KIF21A: variants seen among roughly 807,000 people sequenced by gnomAD.
The protein encoded by KIF21A is kinesin family member 21A, also known as kinesin-like protein KIF21A.
Under a neutral mutation model 202.9 loss-of-function variants are expected in KIF21A, and 114 were observed. That is an observed-to-expected ratio of 0.56 (90% CI 0.48 to 0.66). The LOEUF is 0.66. Ranked by LOEUF, KIF21A falls within the 30% of genes least tolerant of loss-of-function variation. The probability of loss-of-function intolerance (pLI) is 0.00; values close to 1 mark genes in which losing one functional copy is unlikely to be tolerated. For missense variants in KIF21A, 1,677 were observed against 1,994.9 expected (o/e 0.84, Z 3.04); for synonymous variants, 667 against 670.8 (o/e 0.99, Z 0.09).
At chr12:39,294,667 C>A in intron 37 of KIF21A, 150 bp from the exon 38 acceptor site, 1 of 652,620 alleles carries the variant, frequency 1.5e-6, no homozygotes, top group East Asian at 2.8e-5. Flanking sequence ...ATATAGCAAA[C>A]ACATACCTTA....
At chr12:39,441,676 A>AAAAAAAAAAAAAAAAAAAAAAAAC (rs1041857523) in intron 1 of KIF21A, among the ~76,000 whole-genome samples, 5 of 137,380 alleles carry the variant, frequency 3.6e-5, no homozygotes, top group African/African-American at 1.4e-4. Flanking sequence ...AAAAAAAAAA[A>AAAAAAAAAAAAAAAAAAAAAAAAC]AAAACACTTA....
chr12:39,378,383 G>A (rs73086879), intron 1 of KIF21A, among the ~76,000 whole-genome samples: 1,577 of 151,634 alleles, frequency 0.01, 37 homozygotes, highest in African/African-American at 0.034. Flanking sequence ...ACAAAATAAA[G>A]AAAAAAAATA....
intron 9 of KIF21A, 78 bp downstream of exon 9, chr12:39,357,170 T>G (rs960448698): frequency 2.5e-6 from 3 of 1,218,696 alleles, no homozygotes; most frequent in Admixed American, 3.4e-5. Flanking sequence ...TCAACTATGC[T>G]AGGTAATTAG....
chr12:39,433,144 GA>G (rs1373382208), intron 1 of KIF21A, among the ~76,000 whole-genome samples: 2 of 151,814 alleles, frequency 1.3e-5, no homozygotes, highest in Non-Finnish European at 2.9e-5. Flanking sequence ...TCAATAATAG[GA>G]AAAAACTGAA....
At chr12:39,377,078 A>G (rs1036924615) in intron 1 of KIF21A, among the ~76,000 whole-genome samples, 1 of 152,030 alleles carries the variant, frequency 6.6e-6, no homozygotes, top group Non-Finnish European at 1.5e-5. Flanking sequence ...CATCCCCACA[A>G]GATTGTGGTA....
At chr12:39,423,936 A>T (rs1302306321) in intron 1 of KIF21A, among the ~76,000 whole-genome samples, 3 of 130,278 alleles carry the variant, frequency 2.3e-5, no homozygotes, top group South Asian at 5.6e-4. Flanking sequence ...GTGAGCCGAG[A>T]TTGCGCCACT....
intron 31 of KIF21A, 133 bp downstream of exon 31, chr12:39,315,096 A>G: frequency 2.4e-6 from 2 of 828,340 alleles, no homozygotes; most frequent in South Asian, 1.5e-5. Flanking sequence ...TTAAGGTTAA[A>G]TATGGCAAAT....
intron 1 of KIF21A, among the ~76,000 whole-genome samples, chr12:39,383,199 T>C (rs1950727122): frequency 6.6e-6 from 1 of 152,208 alleles, no homozygotes; most frequent in South Asian, 2.1e-4. Context: ...GAATTGAAGG[T>C]CAAAGGAAAT....
intron 26 of KIF21A, among the ~76,000 whole-genome samples, chr12:39,324,457 T>C (rs546374379): frequency 6.6e-6 from 1 of 152,348 alleles, no homozygotes; most frequent in African/African-American, 2.4e-5. Context: ...TAGCAGAATG[T>C]TTTATTTGAG....
chr12:39,391,834 G>A (rs921086344), intron 1 of KIF21A, among the ~76,000 whole-genome samples: 5 of 151,942 alleles, frequency 3.3e-5, no homozygotes, highest in African/African-American at 1.2e-4. Context: ...CTGCCTCCCG[G>A]GTTCAAGCAA....
intron 1 of KIF21A, among the ~76,000 whole-genome samples, chr12:39,382,867 C>T (rs1235465759): frequency 6.6e-6 from 1 of 152,200 alleles, no homozygotes; most frequent in Non-Finnish European, 1.5e-5. Context: ...CATACATTTG[C>T]TTCAACCTTT....
At position 39,330,750 on chromosome 12, in the gene KIF21A, T is replaced by C. The variant is rs1946438418; in HGVS notation, c.3315A>G (p.Leu1105=). Residue 1105 remains leucine (L), a synonymous_variant, in exon 23 of 38, where the codon TTA becomes TTG. Coordinates refer to ENST00000361418, the MANE Select transcript of KIF21A (RefSeq NM_001173464.2). ...CTAAAATTGAGAGCAAATTACCTTG[T>C]AAAGCATGGCCTAGTAAAGCATCTA... The part of the protein sequence containing the change: ...PELDALLGHA[L]QDLDSVPLEN... 1.2e-6 allele frequency: 2 copies of C among 1,613,938 alleles called. No homozygotes were observed. The highest frequency in any genetic ancestry group is 1.1e-5 in the South Asian group (1 of 91,084).
chr12:39,314,194 T>TA (rs1475452205), intron 31 of KIF21A, among the ~76,000 whole-genome samples: 1 of 151,770 alleles, frequency 6.6e-6, no homozygotes, highest in Non-Finnish European at 1.5e-5. Context: ...GAGTTTCTTA[T>TA]CCCTATAAAT....
intron 33 of KIF21A, 75 bp downstream of exon 33, chr12:39,309,511 T>A (rs1943803077): frequency 9.2e-7 from 1 of 1,089,480 alleles, no homozygotes; most frequent in African/African-American, 1.6e-5. Context: ...AGTCCTCTCT[T>A]TTCTTATATT....
chr12:39,391,082 G>T (rs1450824846), intron 1 of KIF21A, among the ~76,000 whole-genome samples: 3 of 152,154 alleles, frequency 2.0e-5, no homozygotes, highest in African/African-American at 7.2e-5. Flanking sequence ...CAGGATAGAA[G>T]GAGCCATAGC....
chr12:39,297,342 G>T (rs1942483775), intron 37 of KIF21A, among the ~76,000 whole-genome samples: 1 of 152,048 alleles, frequency 6.6e-6, no homozygotes. Flanking sequence ...CAACCCAAAT[G>T]TCCAACAATG....
chr12:39,340,360 C>T lies in KIF21A; in HGVS notation c.2115G>A (p.Ser705=), dbSNP rs749760481. The T allele has an allele frequency of 2.6e-5, 41 of 1,603,388 alleles. No individual in the cohort carries two copies. The South Asian group carries it at 3.9e-4, about 15-fold the overall frequency. ...ERDQVLQNLG[S]VESYSEEKAK... is the part of the protein sequence containing the mutation. ...CTTTTTCTTCTGAGTAAGATTCTAC[C>T]GAGCCTAAATGACCAGAGGACATTT... The change falls in exon 16 of 38, where the codon TCG becomes TCA. Residue 705 remains serine (S), a synonymous_variant. Transcript: ENST00000361418.
chr12:39,379,954 G>A (rs993593138), intron 1 of KIF21A, among the ~76,000 whole-genome samples: 2 of 152,052 alleles, frequency 1.3e-5, no homozygotes, highest in African/African-American at 4.8e-5. Context: ...TCAGGAAATG[G>A]TAACAACACT....
At chr12:39,436,448 A>ATATATATATATATATATATATTT (rs1387332677) in intron 1 of KIF21A, among the ~76,000 whole-genome samples, 8 of 95,760 alleles carry the variant, frequency 8.4e-5, no homozygotes, top group South Asian at 7.8e-4. Flanking sequence ...ATATATATAT[A>ATATATATATATATATATATATTT]TTTTTTTTTT....
Sources: gnomAD v4.1 joint callset for allele counts (sites outside exome capture counted in the v4.1 genomes callset) on GRCh38, gnomAD v4.1.1 for gene constraint, MANE v1.5 for transcripts, NCBI Gene and HGNC (gene_info 2026-07-23, HGNC 2026-07-21) for gene names.